TMEM170B: variants seen among roughly 807,000 people sequenced by gnomAD.
TMEM170B encodes the protein transmembrane protein 170B.
In TMEM170B, 6 loss-of-function variants were observed where a neutral mutation model predicts 13.0. That is an observed-to-expected ratio of 0.46 (90% confidence interval 0.25 to 0.91). TMEM170B has a LOEUF of 0.91. TMEM170B is among the 40% of genes least tolerant of loss of function. The pLI, the probability that TMEM170B is intolerant of heterozygous loss-of-function variation, is 0.17. For synonymous variants in TMEM170B, 61 were observed against 64.9 expected, an observed-to-expected ratio of 0.94 and a Z score of 0.29; for missense variants, 138 against 165.2, an observed-to-expected ratio of 0.84 and a Z score of 0.90.
intron 2 of TMEM170B, among the ~76,000 whole-genome samples, chr6:11,568,885 G>T (rs925440975): frequency 6.6e-6 from 1 of 151,992 alleles, no homozygotes; most frequent in Non-Finnish European, 1.5e-5. Context: ...CTACTTCTTA[G>T]ATTTTATTTT....
rs145740591 is a variant in TMEM170B at position 11,567,065 on chromosome 6, G to A, written c.268+1229G>A. On this transcript the variant is annotated intron_variant, in intron 2 of 2. Transcript: ENST00000379426. ...TTATCATTTTAGTGTGACAACTGCC[G>A]GACCATCACCTGATGGTCACCTGAC... is the stretch of plus-strand genomic sequence containing the variant. Among the ~76,000 whole-genome samples the A allele has an allele frequency of 7.9e-3, 1,197 of 152,248 alleles. 7 individuals are homozygous for A. Among genetic ancestry groups the A allele is most frequent in the African/African-American group, 0.026 (1,083 of 41,532 alleles).
intron 1 of TMEM170B, among the ~76,000 whole-genome samples, chr6:11,552,388 G>A (rs181180318): frequency 6.6e-6 from 1 of 152,096 alleles, no homozygotes; most frequent in Admixed American, 6.5e-5. Context: ...TGCAGTATTA[G>A]CCATAGAAAA....
intron 2 of TMEM170B, among the ~76,000 whole-genome samples, chr6:11,566,375 C>T (rs1759732707): frequency 6.6e-6 from 1 of 152,156 alleles, no homozygotes; most frequent in African/African-American, 2.4e-5. Flanking sequence ...TTTTTTCAGA[C>T]AAGTTTTCAG....
intron 2 of TMEM170B, among the ~76,000 whole-genome samples, chr6:11,574,690 T>C (rs1759851130): frequency 6.6e-6 from 1 of 152,176 alleles, no homozygotes. Context: ...CACATCATTA[T>C]GGATGGTCTG....
chr6:11,562,330 G>GTT (rs1759677079), intron 1 of TMEM170B, among the ~76,000 whole-genome samples: 1 of 150,804 alleles, frequency 6.6e-6, no homozygotes, highest in Admixed American at 6.7e-5. Flanking sequence ...CTGAAATACT[G>GTT]TTTCCCTGAA....
At chr6:11,551,590 T>C (rs949138629) in intron 1 of TMEM170B, among the ~76,000 whole-genome samples, 1 of 152,240 alleles carries the variant, frequency 6.6e-6, no homozygotes, top group Non-Finnish European at 1.5e-5. Context: ...TTTCAAGGAT[T>C]AATCCTGATA....
rs1318211152 is a variant in TMEM170B at position 11,576,821 on chromosome 6, T to A, written c.*1260T>A. The A allele has an allele frequency of 6.6e-6, 1 of 152,120 alleles. No homozygotes were observed. The highest frequency in any genetic ancestry group is 1.5e-5 in the Non-Finnish European group (1 of 67,980). The allele number at this position is 152,120 out of a possible 1,614,324, so 9.4% of individuals were successfully genotyped here. On this transcript the variant is annotated 3_prime_UTR_variant, in exon 3 of 3. Coordinates refer to ENST00000379426, the MANE Select transcript of TMEM170B (RefSeq NM_001100829.3). ...GTTGTTCAGTTCTTGATTTATGATA[T>A]GAAGTTATGATTTAAGTTTAGTAGA... is the stretch of plus-strand genomic sequence containing the variant.
At chr6:11,552,917 G>A (rs1188262690) in intron 1 of TMEM170B, among the ~76,000 whole-genome samples, 1 of 152,170 alleles carries the variant, frequency 6.6e-6, no homozygotes, top group African/African-American at 2.4e-5. Context: ...CAGAGTTGTG[G>A]TCTGGGTTGT....
intron 1 of TMEM170B, 49 bp downstream of exon 1, chr6:11,538,423 C>T (rs1158920534): frequency 4.4e-6 from 6 of 1,349,002 alleles, no homozygotes; most frequent in African/African-American, 1.5e-5. Context: ...CGCCCCTCTC[C>T]TGTCTTCTCC....
At chr6:11,570,676 A>G (rs1759787810) in intron 2 of TMEM170B, among the ~76,000 whole-genome samples, 1 of 152,158 alleles carries the variant, frequency 6.6e-6, no homozygotes, top group African/African-American at 2.4e-5. Flanking sequence ...TTTCAAGAAC[A>G]ACTAGTTCAT....
Position 11,581,040 on chromosome 6 carries a change from A to G in TMEM170B, c.*5479A>G, listed in dbSNP as rs996524072. 6.6e-6 allele frequency: 1 copy of G among 152,210 alleles called. No homozygotes were observed. The highest frequency in any genetic ancestry group is 1.5e-5 in the Non-Finnish European group (1 of 68,032). 9.4% of individuals were successfully genotyped at this position (152,210 alleles called of 1,614,324 possible). A position where few individuals can be genotyped will look rare whatever the true frequency, so the allele number is the denominator to read the frequency against. On this transcript the variant is annotated 3_prime_UTR_variant, in exon 3 of 3. Coordinates refer to ENST00000379426, the MANE Select transcript of TMEM170B (RefSeq NM_001100829.3). Reference sequence around the variant, plus strand: ...TGTATCCATGAATTTGGGGGAAATAATGCTTAATATCTGAAGTATTTTCAG... The same window carrying G: ...TGTATCCATGAATTTGGGGGAAATAGTGCTTAATATCTGAAGTATTTTCAG...
At chr6:11,567,020 TC>T (rs1759742580) in intron 2 of TMEM170B, among the ~76,000 whole-genome samples, 1 of 152,250 alleles carries the variant, frequency 6.6e-6, no homozygotes. Context: ...AAATTGCCTC[TC>T]CCTGGTGCCT....
At chr6:11,555,710 C>A (rs1166222835) in intron 1 of TMEM170B, among the ~76,000 whole-genome samples, 3 of 152,170 alleles carry the variant, frequency 2.0e-5, no homozygotes, top group Non-Finnish European at 4.4e-5. Flanking sequence ...AACATATTAA[C>A]AATAATTATT....
intron 1 of TMEM170B, among the ~76,000 whole-genome samples, chr6:11,557,957 T>G (rs1363109709): frequency 6.6e-6 from 1 of 152,202 alleles, no homozygotes; most frequent in Non-Finnish European, 1.5e-5. Context: ...TTGCCCAGGC[T>G]GGAGTGCAGT....
Position 11,565,766 on chromosome 6 carries a change from G to A in TMEM170B, c.198G>A (p.Gln66=), listed in dbSNP as rs969341093. ...LMFVMLQRHR[Q]GRVISVIAVS... is the part of the protein sequence containing the mutation. ...TTGTGATGCTGCAGAGGCATAGGCA[G>A]GGAAGAGTCATCTCTGTCATTGCAG... is the stretch of plus-strand genomic sequence containing the variant. The change falls in exon 2 of 3, where the codon CAG becomes CAA. Residue 66 remains glutamine, a synonymous_variant. Coordinates refer to ENST00000379426, the MANE Select transcript of TMEM170B (RefSeq NM_001100829.3). 1 of 1,614,162 alleles carries A rather than the reference G, an allele frequency of 6.2e-7. No individual in the cohort carries two copies. The highest frequency in any genetic ancestry group is 8.5e-7 in the Non-Finnish European group (1 of 1,180,018).
chr6:11,567,850 G>A (rs1759755876), intron 2 of TMEM170B, among the ~76,000 whole-genome samples: 1 of 152,200 alleles, frequency 6.6e-6, no homozygotes, highest in Non-Finnish European at 1.5e-5. Flanking sequence ...TATCTGGGAA[G>A]TTTGGGCTTT....
intron 1 of TMEM170B, among the ~76,000 whole-genome samples, chr6:11,558,049 A>C (rs568829006): frequency 1.3e-5 from 2 of 152,174 alleles, no homozygotes; most frequent in Admixed American, 1.3e-4. Flanking sequence ...AGCTGGGACT[A>C]TGGGCTTATG....
rs1322496426 is a variant in TMEM170B, at chr6:11,582,203, T to C, written c.*6642T>C. ...CTTTATTTAAATAGCAAAAATATAG[T>C]TTACCTGACAAGTATTAAAAGTCTC... On this transcript the variant is annotated 3_prime_UTR_variant, in exon 3 of 3. Coordinates refer to ENST00000379426, the MANE Select transcript of TMEM170B (RefSeq NM_001100829.3). 6.6e-6 allele frequency: 1 copy of C among 152,208 alleles called. No individual in the cohort carries two copies. Among genetic ancestry groups the C allele is most frequent in the Non-Finnish European group, 1.5e-5 (1 of 68,042 alleles). The allele number at this position is 152,208 out of a possible 1,614,324, so 9.4% of individuals were successfully genotyped here. A position where few individuals can be genotyped will look rare whatever the true frequency, so the allele number is the denominator to read the frequency against.
At chr6:11,538,814 C>T (rs1391429780) in intron 1 of TMEM170B, among the ~76,000 whole-genome samples, 3 of 152,222 alleles carry the variant, frequency 2.0e-5, no homozygotes. Flanking sequence ...AATGTAGAAC[C>T]TAAAATCATT....
Sources: gnomAD v4.1 joint callset for allele counts (sites outside exome capture counted in the v4.1 genomes callset) on GRCh38, gnomAD v4.1.1 for gene constraint, MANE v1.5 for transcripts, NCBI Gene and HGNC (gene_info 2026-07-23, HGNC 2026-07-21) for gene names.